The following CHRM3 variants were observed in gnomAD, a reference collection of about 807,000 sequenced individuals.
CHRM3 encodes cholinergic receptor muscarinic 3.
In CHRM3, 11 loss-of-function variants were observed where a neutral mutation model predicts 41.8. The ratio of observed to expected loss-of-function variants is 0.26; its 90% CI spans 0.17 to 0.44. The LOEUF (loss-of-function observed/expected upper bound fraction) is 0.44, where lower values mean the gene tolerates loss of function less well. Among genes scored for constraint, CHRM3 ranks in the 20% least tolerant of loss-of-function variants. The probability of loss-of-function intolerance (pLI) is 1.00; values close to 1 mark genes in which losing one functional copy is unlikely to be tolerated. For missense variants in CHRM3, 571 were observed against 745.4 expected (o/e 0.77, Z 2.72); for synonymous variants, 297 against 301.4 (o/e 0.99, Z 0.15).
chr1:239,553,361 A>G (rs1449552321), intron 3 of CHRM3, among the ~76,000 whole-genome samples: 1 of 152,072 alleles, frequency 6.6e-6, no homozygotes, highest in Non-Finnish European at 1.5e-5. Context: ...GATTTCCCCT[A>G]CTATGCTTCC....
rs397954107 is a variant in CHRM3 at position 239,404,468 on chromosome 1, A to AAGAAAGAAAGAAAGAG, written c.-521+17242_-521+17243insGAAAGAAAGAAAGAGA. Among the ~76,000 whole-genome samples the AAGAAAGAAAGAAAGAG allele has an allele frequency of 2.2e-3, 199 of 90,344 alleles. 18 individuals are homozygous for AAGAAAGAAAGAAAGAG. Among genetic ancestry groups the AAGAAAGAAAGAAAGAG allele is most frequent in the Admixed American group, 6.1e-3 (52 of 8,556 alleles). 59.3% of individuals were successfully genotyped at this position (90,344 alleles called of 152,430 possible). ...AAAGAAAGAAAGAAAGAAAGAAAGA[A>AAGAAAGAAAGAAAGAG]AAAGAAAGAAAGAAAGGAACATTTA... On this transcript the variant is annotated intron_variant, in intron 1 of 6. Transcript: ENST00000676153.
chr1:239,579,942 C>G (rs1476303020), intron 3 of CHRM3, among the ~76,000 whole-genome samples: 1 of 152,084 alleles, frequency 6.6e-6, no homozygotes, highest in East Asian at 1.9e-4. Flanking sequence ...TCCCAGGGTC[C>G]TGCAGCTCAC....
At chr1:239,902,770 A>G (rs1414089564) in intron 6 of CHRM3, among the ~76,000 whole-genome samples, 1 of 152,132 alleles carries the variant, frequency 6.6e-6, no homozygotes, top group Non-Finnish European at 1.5e-5. Context: ...TTGACTATTA[A>G]CTCGTTAACT....
At chr1:239,855,939 A>C (rs1269441797) in intron 6 of CHRM3, among the ~76,000 whole-genome samples, 1 of 152,174 alleles carries the variant, frequency 6.6e-6, no homozygotes, top group South Asian at 2.1e-4. Flanking sequence ...CAATGTAACA[A>C]ATTTTTATGT....
chr1:239,642,916 A>T (rs2148929561), intron 4 of CHRM3, among the ~76,000 whole-genome samples: 1 of 152,090 alleles, frequency 6.6e-6, no homozygotes, highest in African/African-American at 2.4e-5. Context: ...TTGGTCTTTG[A>T]TGATGGTGAT....
chr1:239,580,688 T>TA (rs1411140598), intron 3 of CHRM3, among the ~76,000 whole-genome samples: 64 of 97,650 alleles, frequency 6.6e-4, no homozygotes, highest in Admixed American at 1.2e-3. Flanking sequence ...TTTGCCCAAT[T>TA]TTATATATAT....
chr1:239,415,418 C>T (rs774495923), intron 1 of CHRM3, among the ~76,000 whole-genome samples: 67 of 152,044 alleles, frequency 4.4e-4, no homozygotes, highest in Admixed American at 1.4e-3. Context: ...CCAGCCTGGC[C>T]GACAGAGCAA....
chr1:239,605,484 G>A (rs1241309712), intron 3 of CHRM3, among the ~76,000 whole-genome samples: 4 of 152,070 alleles, frequency 2.6e-5, no homozygotes, highest in Non-Finnish European at 5.9e-5. Flanking sequence ...TCACCTAATA[G>A]CACATTTCTT....
At chr1:239,550,257 T>C in intron 3 of CHRM3, among the ~76,000 whole-genome samples, 1 of 152,288 alleles carries the variant, frequency 6.6e-6, no homozygotes, top group Non-Finnish European at 1.5e-5. Flanking sequence ...CTGTGAAAAC[T>C]TCCTTGATCT....
chr1:239,504,381 C>A (rs1448085422), intron 2 of CHRM3, among the ~76,000 whole-genome samples: 1 of 152,072 alleles, frequency 6.6e-6, no homozygotes, highest in East Asian at 1.9e-4. Context: ...CTTACTCCTG[C>A]AAGAATGGCC....
At chr1:239,842,010 A>G (rs61831567) in intron 6 of CHRM3, among the ~76,000 whole-genome samples, 5,876 of 152,286 alleles carry the variant, frequency 0.039, 264 homozygotes, top group East Asian at 0.24. Flanking sequence ...GAATAATTTG[A>G]AAATCTGCTC....
chr1:239,430,172 T>C (rs1046156710), intron 1 of CHRM3, among the ~76,000 whole-genome samples: 2 of 151,978 alleles, frequency 1.3e-5, no homozygotes, highest in African/African-American at 2.4e-5. Flanking sequence ...TTCACCATCT[T>C]GGCCAGGATG....
At chr1:239,484,951 A>T (rs571347862) in intron 1 of CHRM3, among the ~76,000 whole-genome samples, 1 of 152,302 alleles carries the variant, frequency 6.6e-6, no homozygotes, top group South Asian at 2.1e-4. Flanking sequence ...ACTCCAGTTC[A>T]TACATTTTTA....
chr1:239,396,745 A>G (rs957989670), intron 1 of CHRM3, among the ~76,000 whole-genome samples: 1 of 152,212 alleles, frequency 6.6e-6, no homozygotes, highest in Non-Finnish European at 1.5e-5. Flanking sequence ...CCCAAAGACA[A>G]CTATGGTTAA....
intron 6 of CHRM3, among the ~76,000 whole-genome samples, chr1:239,860,568 A>AC (rs1235378696): frequency 6.6e-6 from 1 of 152,196 alleles, no homozygotes; most frequent in Non-Finnish European, 1.5e-5. Context: ...TAGGGGTGTG[A>AC]CCCAAGTGTA....
At chr1:239,578,531 C>A (rs950937740) in intron 3 of CHRM3, among the ~76,000 whole-genome samples, 2 of 152,136 alleles carry the variant, frequency 1.3e-5, no homozygotes, top group Non-Finnish European at 2.9e-5. Flanking sequence ...CCCAAAGAGG[C>A]ACTTTATCAT....
At chr1:239,618,649 C>G (rs759898344) in intron 3 of CHRM3, among the ~76,000 whole-genome samples, 2 of 151,292 alleles carry the variant, frequency 1.3e-5, no homozygotes, top group Non-Finnish European at 2.9e-5. Context: ...TCGAGACCAT[C>G]CTGGCTAACA....
chr1:239,874,307 A>ATC (rs1558199228), intron 6 of CHRM3, among the ~76,000 whole-genome samples: 623 of 24,610 alleles, frequency 0.025, 18 homozygotes, highest in Non-Finnish European at 0.094. Context: ...ATATATATAT[A>ATC]TATATATATA....
At chr1:239,405,961 C>T (rs1572185187) in intron 1 of CHRM3, among the ~76,000 whole-genome samples, 1 of 152,246 alleles carries the variant, frequency 6.6e-6, no homozygotes, top group East Asian at 1.9e-4. Flanking sequence ...CAGCTCACTG[C>T]AATCACTGCA....
Sources: gnomAD v4.1 joint callset for allele counts (sites outside exome capture counted in the v4.1 genomes callset) on GRCh38, gnomAD v4.1.1 for gene constraint, MANE v1.5 for transcripts, NCBI Gene and HGNC (gene_info 2026-07-23, HGNC 2026-07-21) for gene names.